Variants in UGT1A8 observed in about 807,000 individuals in gnomAD.
The protein encoded by UGT1A8 is UDP-glucuronosyltransferase 1A8.
A neutral mutation model predicts 45.3 loss-of-function variants in UGT1A8; 39 were observed. That is an observed-to-expected ratio of 0.86 (90% confidence interval 0.67 to 1.12). UGT1A8 has a LOEUF of 1.12. Among genes scored for constraint, UGT1A8 ranks in the 50% most tolerant of loss-of-function variants. UGT1A8 has a pLI of 0.00. For synonymous variants in UGT1A8, 275 were observed against 249.2 expected, an observed-to-expected ratio of 1.10 and a Z score of -0.97; for missense variants, 719 against 664.9, an observed-to-expected ratio of 1.08 and a Z score of -0.90.
chr2:233,700,873 TCC>T (rs1228589986), intron 1 of UGT1A8, among the ~76,000 whole-genome samples: 1 of 147,556 alleles, frequency 6.8e-6, no homozygotes, highest in Non-Finnish European at 1.5e-5. Flanking sequence ...CCCTCCCTCC[TCC>T]CCCCACCCCA....
At chr2:233,725,966 G>A (rs1413354611) in intron 1 of UGT1A8, among the ~76,000 whole-genome samples, 1 of 152,090 alleles carries the variant, frequency 6.6e-6, no homozygotes, top group Non-Finnish European at 1.5e-5. Context: ...AGGAGTCTGA[G>A]AGCAGCCTGG....
chr2:233,744,895 T>C (rs1259140735), intron 1 of UGT1A8, among the ~76,000 whole-genome samples: 1 of 151,910 alleles, frequency 6.6e-6, no homozygotes, highest in African/African-American at 2.4e-5. Flanking sequence ...CTCCTCTCCA[T>C]ACCAAAATCT....
Position 233,700,950 on chromosome 2 carries a change from A to G in UGT1A8, c.856-66084A>G, listed in dbSNP as rs146993694. The stretch of plus-strand genomic sequence containing the variant: ...GTGTGTGATTGTTCAATTCCCACCT[A>G]TGAGTGAGAACATGCGGTGTTTGAT... On this transcript the variant is annotated intron_variant, in intron 1 of 4. Coordinates refer to ENST00000373450, the MANE Select transcript of UGT1A8 (RefSeq NM_019076.5). Among the ~76,000 whole-genome samples, 245 of 151,526 alleles carry G rather than the reference A, an allele frequency of 1.6e-3. 4 individuals are homozygous for G. The East Asian group carries it at 0.036, about 22-fold the overall frequency.
intron 1 of UGT1A8, among the ~76,000 whole-genome samples, chr2:233,641,383 A>T (rs2125463843): frequency 6.6e-6 from 1 of 152,330 alleles, no homozygotes; most frequent in South Asian, 2.1e-4. Flanking sequence ...GCAAGAAGAA[A>T]ACTAATAGAA....
At chr2:233,665,013 G>A (rs938186334) in intron 1 of UGT1A8, among the ~76,000 whole-genome samples, 2 of 152,156 alleles carry the variant, frequency 1.3e-5, no homozygotes, top group Admixed American at 6.6e-5. Context: ...TATAGAAAAT[G>A]CTCTTAGTAG....
At chr2:233,737,978 G>C (rs1166842032) in intron 1 of UGT1A8, among the ~76,000 whole-genome samples, 1 of 152,014 alleles carries the variant, frequency 6.6e-6, no homozygotes, top group East Asian at 1.9e-4. Context: ...ATTTAATATG[G>C]TTTGGCTCTG....
At chr2:233,624,917 T>A (rs1005695695) in intron 1 of UGT1A8, among the ~76,000 whole-genome samples, 1 of 152,148 alleles carries the variant, frequency 6.6e-6, no homozygotes, top group African/African-American at 2.4e-5. Context: ...GATATTTTTA[T>A]TCCAATTTTT....
chr2:233,760,740 C>T (rs2125987447), intron 1 of UGT1A8: 1 of 1,614,120 alleles, frequency 6.2e-7, no homozygotes, highest in Non-Finnish European at 8.5e-7. Context: ...TGCTGACGGA[C>T]CCTTTCCTTC....
In UGT1A8 at chr2:233,655,258, G is replaced by A. The variant is rs1318053837; in HGVS notation, c.855+36696G>A. 6.6e-5 allele frequency among the ~76,000 whole-genome samples: 10 copies of A among 152,296 alleles called. No individual in the cohort carries two copies. The East Asian group carries it at 1.9e-3, about 29-fold the overall frequency. On this transcript the variant is annotated intron_variant, in intron 1 of 4. Coordinates refer to ENST00000373450, the MANE Select transcript of UGT1A8 (RefSeq NM_019076.5). ...CTATTATCAGCTACCTGTTTTCCTT[G>A]TAACCTTGTGTTTTGGGAACCTAGC...
intron 1 of UGT1A8, chr2:233,760,742 C>T: frequency 3.1e-6 from 5 of 1,614,166 alleles, no homozygotes; most frequent in Non-Finnish European, 4.2e-6. Context: ...CTGACGGACC[C>T]TTTCCTTCCT....
chr2:233,659,589 G>T (rs1301511337), intron 1 of UGT1A8, among the ~76,000 whole-genome samples: 1 of 152,136 alleles, frequency 6.6e-6, no homozygotes, highest in African/African-American at 2.4e-5. Flanking sequence ...GGTTGGTCTT[G>T]CTTTTTCAGG....
At position 233,636,546 on chromosome 2, in the gene UGT1A8, C is replaced by A. The variant is rs756127368; in HGVS notation, c.855+17984C>A. 14 of 1,613,800 alleles carry A rather than the reference C, an allele frequency of 8.7e-6. No individual in the cohort carries two copies. The Admixed American group carries it at 2.2e-4, about 25-fold the overall frequency. Reference sequence around the variant, plus strand: ...TCATGGCTCGCGCAGGGTGGACCAGCCCCGTTCCTTTATGTGTGTGTCTAC... The same window carrying A: ...TCATGGCTCGCGCAGGGTGGACCAGACCCGTTCCTTTATGTGTGTGTCTAC... On this transcript the variant is annotated intron_variant, in intron 1 of 4. Coordinates refer to ENST00000373450, the MANE Select transcript of UGT1A8 (RefSeq NM_019076.5).
intron 1 of UGT1A8, among the ~76,000 whole-genome samples, chr2:233,619,079 C>T (rs891185988): frequency 4.6e-5 from 7 of 152,070 alleles, no homozygotes; most frequent in African/African-American, 7.2e-5. Context: ...AGGAAATGCT[C>T]TTATCAGTTT....
chr2:233,737,660 A>G (rs535932919), intron 1 of UGT1A8, among the ~76,000 whole-genome samples: 3 of 152,292 alleles, frequency 2.0e-5, no homozygotes, highest in East Asian at 3.9e-4. Context: ...GGAGCTGCAG[A>G]TCGGAGCTGT....
chr2:233,734,123 A>ATAAT (rs1384319848), intron 1 of UGT1A8, among the ~76,000 whole-genome samples: 1 of 151,918 alleles, frequency 6.6e-6, no homozygotes, highest in Non-Finnish European at 1.5e-5. Context: ...AATAATAATA[A>ATAAT]AAAGAATTTG....
intron 1 of UGT1A8, chr2:233,743,896 C>A: frequency 3.7e-6 from 5 of 1,366,934 alleles, no homozygotes; most frequent in Non-Finnish European, 4.9e-6. Flanking sequence ...GCACGTCCAG[C>A]ACCTCGTAGT....
At chr2:233,697,498 TTATC>T (rs2075395105) in intron 1 of UGT1A8, among the ~76,000 whole-genome samples, 1 of 151,666 alleles carries the variant, frequency 6.6e-6, no homozygotes, top group African/African-American at 2.4e-5. Flanking sequence ...CCAATTTTGT[TTATC>T]TTTTTTTTTT....
At chr2:233,760,864 G>C in intron 1 of UGT1A8, 1 of 1,613,978 alleles carries the variant, frequency 6.2e-7, no homozygotes, top group Non-Finnish European at 8.5e-7. Flanking sequence ...ATTCTCCTAC[G>C]TGCCCAGGCC....
chr2:233,672,846 G>T, intron 1 of UGT1A8: 3 of 1,546,390 alleles, frequency 1.9e-6, no homozygotes, highest in South Asian at 1.3e-5. Flanking sequence ...AATTAAAAAA[G>T]GATTCTTTAC....
Sources: allele counts gnomAD v4.1 joint callset (sites outside exome capture counted in the v4.1 genomes callset), GRCh38; gene constraint gnomAD v4.1.1; transcripts MANE v1.5; gene names NCBI Gene and HGNC (gene_info 2026-07-23, HGNC 2026-07-21).